The following AGBL4 variants were observed in gnomAD, a reference collection of about 807,000 sequenced individuals.
AGBL4 encodes the protein AGBL carboxypeptidase 4.
In AGBL4, 58 loss-of-function variants were observed where a neutral mutation model predicts 66.4. The observed-to-expected ratio is 0.87, with a 90% confidence interval of 0.71 to 1.09. The LOEUF is 1.09. Ranked by LOEUF, AGBL4 falls within the 50% of genes least tolerant of loss-of-function variation. The pLI, the probability that AGBL4 is intolerant of heterozygous loss-of-function variation, is 0.00. For missense variants in AGBL4, 579 were observed against 631.0 expected, an observed-to-expected ratio of 0.92 and a Z score of 0.88; for synonymous variants, 234 against 222.9, an observed-to-expected ratio of 1.05 and a Z score of -0.44.
intron 3 of AGBL4, among the ~76,000 whole-genome samples, chr1:49,464,083 A>G (rs1355657645): frequency 3.3e-5 from 5 of 151,748 alleles, no homozygotes; most frequent in African/African-American, 1.2e-4. Flanking sequence ...GAGAAAGACA[A>G]ACAGAATCAG....
intron 1 of AGBL4, among the ~76,000 whole-genome samples, chr1:49,873,570 T>C (rs1646891382): frequency 6.6e-6 from 1 of 152,124 alleles, no homozygotes; most frequent in Non-Finnish European, 1.5e-5. Flanking sequence ...TATGTTCACC[T>C]TATCTTATGT....
At chr1:50,012,569 CA>C (rs1661631905) in intron 1 of AGBL4, among the ~76,000 whole-genome samples, 1 of 152,020 alleles carries the variant, frequency 6.6e-6, no homozygotes, top group Non-Finnish European at 1.5e-5. Context: ...AGGACAGCAA[CA>C]AAAATAATTT....
At chr1:48,819,329 G>T (rs989758333) in intron 6 of AGBL4, among the ~76,000 whole-genome samples, 1 of 152,112 alleles carries the variant, frequency 6.6e-6, no homozygotes. Context: ...TGATAAAAGG[G>T]GTCATTAGGC....
chr1:48,591,351 G>C (rs144802824), intron 9 of AGBL4, among the ~76,000 whole-genome samples: 1 of 152,038 alleles, frequency 6.6e-6, no homozygotes, highest in Non-Finnish European at 1.5e-5. Context: ...CTAGACATTC[G>C]TGGAATTTAT....
Position 49,813,590 on chromosome 1 carries a change from A to G in AGBL4, c.157+37806T>C, listed in dbSNP as rs373585215. On this transcript the variant is annotated intron_variant, in intron 2 of 13. Transcript: ENST00000371839. Reference sequence around the variant, plus strand: ...CATTCATTTACTCACTTATGTAATCAGTAAGTATTTTTTAGCACCCATTAT... The same window carrying G: ...CATTCATTTACTCACTTATGTAATCGGTAAGTATTTTTTAGCACCCATTAT... Among the ~76,000 whole-genome samples the G allele has an allele frequency of 9.8e-5, 15 of 152,300 alleles. 1 individual carries two copies. Among genetic ancestry groups the G allele is most frequent in the African/African-American group, 3.6e-4 (15 of 41,584 alleles).
intron 1 of AGBL4, among the ~76,000 whole-genome samples, chr1:49,917,867 A>T (rs1304455884): frequency 6.6e-6 from 1 of 152,176 alleles, no homozygotes; most frequent in Non-Finnish European, 1.5e-5. Context: ...AAAACAACAG[A>T]AATTATAACA....
chr1:49,118,826 C>T (rs1205290940), intron 4 of AGBL4, among the ~76,000 whole-genome samples: 2 of 152,152 alleles, frequency 1.3e-5, no homozygotes, highest in Non-Finnish European at 2.9e-5. Context: ...CCATCTGGTC[C>T]TGGACTTTTT....
intron 1 of AGBL4, among the ~76,000 whole-genome samples, chr1:49,918,696 A>G (rs1651855758): frequency 6.6e-6 from 1 of 152,256 alleles, no homozygotes; most frequent in South Asian, 2.1e-4. Flanking sequence ...AAACTATTCC[A>G]AACAATAGAA....
intron 3 of AGBL4, among the ~76,000 whole-genome samples, chr1:49,631,581 G>T (rs774828703): frequency 3.9e-5 from 6 of 152,098 alleles, no homozygotes; most frequent in Non-Finnish European, 8.8e-5. Flanking sequence ...CCTTGTGCCA[G>T]GAAATATTTG....
intron 3 of AGBL4, among the ~76,000 whole-genome samples, chr1:49,290,377 A>G (rs1271357275): frequency 6.6e-6 from 1 of 152,218 alleles, no homozygotes; most frequent in Non-Finnish European, 1.5e-5. Flanking sequence ...ACAGGAGACC[A>G]AACAAAATCA....
chr1:49,098,395 A>AG, intron 4 of AGBL4, among the ~76,000 whole-genome samples: 1 of 152,210 alleles, frequency 6.6e-6, no homozygotes, highest in Non-Finnish European at 1.5e-5. Flanking sequence ...TAGCACTGAG[A>AG]AAAGTCCCAG....
intron 2 of AGBL4, among the ~76,000 whole-genome samples, chr1:49,742,251 C>A (rs1274451127): frequency 3.3e-5 from 5 of 150,158 alleles, no homozygotes; most frequent in African/African-American, 1.2e-4. Flanking sequence ...TTCTTATACA[C>A]CAATAACAGA....
At chr1:48,893,873 A>C (rs911800945) in intron 5 of AGBL4, among the ~76,000 whole-genome samples, 1 of 152,096 alleles carries the variant, frequency 6.6e-6, no homozygotes, top group African/African-American at 2.4e-5. Context: ...ATAAGAAAAA[A>C]GTTCCATTGT....
intron 9 of AGBL4, among the ~76,000 whole-genome samples, chr1:48,625,332 A>T (rs1645486064): frequency 6.6e-6 from 1 of 151,756 alleles, no homozygotes; most frequent in Non-Finnish European, 1.5e-5. Flanking sequence ...GGTTTTAATA[A>T]GTGATTTTCT....
intron 6 of AGBL4, among the ~76,000 whole-genome samples, chr1:48,726,324 G>C (rs960933170): frequency 2.0e-5 from 3 of 152,146 alleles, no homozygotes; most frequent in African/African-American, 7.2e-5. Flanking sequence ...AGAGAGAAAA[G>C]GGGATGAGCT....
intron 6 of AGBL4, among the ~76,000 whole-genome samples, chr1:48,701,212 C>T (rs1646795065): frequency 6.6e-6 from 1 of 152,086 alleles, no homozygotes; most frequent in South Asian, 2.1e-4. Context: ...AAGCCTTCTC[C>T]TGCCCCTTCA....
At chr1:49,284,995 A>G (rs932996931) in intron 3 of AGBL4, among the ~76,000 whole-genome samples, 2 of 151,096 alleles carry the variant, frequency 1.3e-5, no homozygotes, top group African/African-American at 2.4e-5. Context: ...ATACCCAGGA[A>G]TTGAACTCAG....
intron 6 of AGBL4, among the ~76,000 whole-genome samples, chr1:48,669,922 G>C (rs454938): frequency 0.55 from 83,257 of 152,008 alleles, 23,151 homozygotes; most frequent in Middle Eastern, 0.66. Context: ...ATTCCCTCCC[G>C]TAGGCTCAGA....
At chr1:49,619,358 T>A (rs2124288150) in intron 3 of AGBL4, among the ~76,000 whole-genome samples, 1 of 152,182 alleles carries the variant, frequency 6.6e-6, no homozygotes, top group Non-Finnish European at 1.5e-5. Flanking sequence ...ATCAGTGAAC[T>A]CCCATTCACA....
Sources: allele counts gnomAD v4.1 joint callset (sites outside exome capture counted in the v4.1 genomes callset), GRCh38; gene constraint gnomAD v4.1.1; transcripts MANE v1.5; gene names NCBI Gene and HGNC (gene_info 2026-07-23, HGNC 2026-07-21).